RPAP3: variants seen among roughly 807,000 people sequenced by gnomAD.
RPAP3 encodes RNA polymerase II-associated protein 3.
In RPAP3, 58 loss-of-function variants were observed where a neutral mutation model predicts 88.8. The observed-to-expected ratio is 0.65, with a 90% CI of 0.53 to 0.81. The LOEUF (loss-of-function observed/expected upper bound fraction) is 0.81. Among genes scored for constraint, RPAP3 ranks in the 40% least tolerant of loss-of-function variants. RPAP3 has a pLI of 0.00. For synonymous variants in RPAP3, 255 were observed against 259.9 expected, an observed-to-expected ratio of 0.98 and a Z score of 0.18; for missense variants, 751 against 764.3, an observed-to-expected ratio of 0.98 and a Z score of 0.20.
chr12:47,686,543 CAT>C (rs1200693425), intron 9 of RPAP3, among the ~76,000 whole-genome samples: 89 of 100,586 alleles, frequency 8.8e-4, no homozygotes, highest in African/African-American at 3.2e-3. Flanking sequence ...CACACATACA[CAT>C]ACACACACAC....
chr12:47,704,308 T>C (rs1423458239), intron 1 of RPAP3, among the ~76,000 whole-genome samples: 1 of 152,162 alleles, frequency 6.6e-6, no homozygotes, highest in African/African-American at 2.4e-5. Flanking sequence ...AGGTTAGCAG[T>C]GCCAAATGCC....
rs550630495 is a variant in RPAP3 at position 47,677,150 on chromosome 12, T to C, written c.1287+2343A>G. Among the ~76,000 whole-genome samples the C allele has an allele frequency of 2.3e-4, 35 of 152,332 alleles. No individual in the cohort carries two copies. The South Asian group carries it at 7.0e-3, about 31-fold the overall frequency. On this transcript the variant is annotated intron_variant, in intron 12 of 16. Transcript: ENST00000005386. ...GAACCAACGACAAAAACCACATGGT[T>C]ATCCCAATAGATGCAGAAAAGGCCT...
rs148972074 is a variant in RPAP3, at chr12:47,674,559, T to C, written c.1288-4214A>G. Reference sequence around the variant, plus strand: ...CAGTGCAGAGAAGACCTTAAATGACTGATGGAACTGAAAACCATGGCATGA... The same window carrying C: ...CAGTGCAGAGAAGACCTTAAATGACCGATGGAACTGAAAACCATGGCATGA... On this transcript the variant is annotated intron_variant, in intron 12 of 16. Transcript: ENST00000005386. Among the ~76,000 whole-genome samples the C allele has an allele frequency of 3.1e-4, 47 of 152,304 alleles. 1 individual carries two copies. Among genetic ancestry groups the C allele is most frequent in the African/African-American group, 1.1e-3 (46 of 41,570 alleles).
chr12:47,688,103 C>A, intron 7 of RPAP3, 102 bp from the exon 8 acceptor site: 1 of 1,022,660 alleles, frequency 9.8e-7, no homozygotes, highest in South Asian at 2.8e-5. Context: ...GAATTTCTGC[C>A]ACATTTTAAA....
chr12:47,696,775 G>A (rs1343126698), intron 4 of RPAP3, among the ~76,000 whole-genome samples: 1 of 152,086 alleles, frequency 6.6e-6, no homozygotes, highest in Non-Finnish European at 1.5e-5. Context: ...TAAGAATACA[G>A]TATATAATAC....
At chr12:47,673,428 G>C (rs1476072439) in intron 12 of RPAP3, among the ~76,000 whole-genome samples, 1 of 100,888 alleles carries the variant, frequency 9.9e-6, no homozygotes. Flanking sequence ...GGGGGACAAA[G>C]AGTGAAACTC....
chr12:47,692,099 T>G (rs181381166), intron 5 of RPAP3, among the ~76,000 whole-genome samples: 29 of 152,342 alleles, frequency 1.9e-4, no homozygotes, highest in Admixed American at 1.6e-3. Context: ...CTTTGTTGTT[T>G]TACTTATAGA....
chr12:47,680,196 G>A (rs1216936128), intron 10 of RPAP3, among the ~76,000 whole-genome samples: 1 of 152,162 alleles, frequency 6.6e-6, no homozygotes, highest in South Asian at 2.1e-4. Flanking sequence ...TAAATAAGCA[G>A]AGGCAAAAGG....
intron 16 of RPAP3, among the ~76,000 whole-genome samples, chr12:47,666,093 T>C (rs1373868790): frequency 6.6e-6 from 1 of 152,180 alleles, no homozygotes; most frequent in Non-Finnish European, 1.5e-5. Flanking sequence ...AATGGTACAC[T>C]GAGTTTTGCT....
chr12:47,686,051 T>C (rs1474281631), intron 9 of RPAP3, among the ~76,000 whole-genome samples: 1 of 152,234 alleles, frequency 6.6e-6, no homozygotes, highest in East Asian at 1.9e-4. Context: ...GCGTTCAACA[T>C]ACAGCTAAAG....
At chr12:47,696,867 A>C (rs1378859962) in intron 4 of RPAP3, among the ~76,000 whole-genome samples, 3 of 152,232 alleles carry the variant, frequency 2.0e-5, no homozygotes, top group African/African-American at 2.4e-5. Flanking sequence ...TTAGTAGTTA[A>C]GTTTTTGGGG....
Position 47,662,398 on chromosome 12 carries a change from T to G in RPAP3, c.*1107A>C, listed in dbSNP as rs1565710621. On this transcript the variant is annotated 3_prime_UTR_variant, in exon 17 of 17. Coordinates refer to ENST00000005386, the MANE Select transcript of RPAP3 (RefSeq NM_024604.3). ...ATACCACAATCTGAAGAAATTATCT[T>G]TGTAAATAAATTATGATTACTTCTC... is the stretch of plus-strand genomic sequence containing the variant. 6.6e-6 allele frequency: 1 copy of G among 152,216 alleles called. No homozygotes were observed. Among genetic ancestry groups the G allele is most frequent in the Non-Finnish European group, 1.5e-5 (1 of 68,036 alleles). 9.4% of individuals were successfully genotyped at this position (152,216 alleles called of 1,614,324 possible).
chr12:47,694,378 T>A (rs1939483120), intron 5 of RPAP3, among the ~76,000 whole-genome samples: 1 of 152,124 alleles, frequency 6.6e-6, no homozygotes. Flanking sequence ...TGAAAACACC[T>A]AAATGTGAAA....
At chr12:47,697,297 T>C (rs11168199) in intron 4 of RPAP3, among the ~76,000 whole-genome samples, 41,301 of 152,128 alleles carry the variant, frequency 0.27, 6,853 homozygotes, top group Non-Finnish European at 0.38. Flanking sequence ...GCATTTTACA[T>C]AGAATAGTTC....
intron 9 of RPAP3, among the ~76,000 whole-genome samples, chr12:47,685,182 C>T (rs896500932): frequency 3.3e-5 from 5 of 152,090 alleles, no homozygotes; most frequent in Non-Finnish European, 7.4e-5. Flanking sequence ...AGTTTGAGAC[C>T]AGCCTGGCCA....
chr12:47,680,169 T>C (rs1297262277), intron 10 of RPAP3, among the ~76,000 whole-genome samples: 1 of 152,190 alleles, frequency 6.6e-6, no homozygotes, highest in Admixed American at 6.6e-5. Context: ...TGCTCCAACA[T>C]GGACATTATG....
intron 3 of RPAP3, chr12:47,699,540 C>T (rs1939612791): frequency 6.6e-6 from 1 of 152,154 alleles, no homozygotes; most frequent in African/African-American, 2.4e-5. Context: ...TTTAATTAGC[C>T]TTAGTTTTAT....
At chr12:47,664,947 G>A (rs1035825002) in intron 16 of RPAP3, 1 of 152,146 alleles carries the variant, frequency 6.6e-6, no homozygotes, top group African/African-American at 2.4e-5. Context: ...GGTTCATGGG[G>A]GGTCAGTGAA....
chr12:47,671,587 A>G lies in RPAP3; in HGVS notation c.1288-1242T>C, dbSNP rs111513871. ...AAGCTGTAAGAAAATTTATAACAGA[A>G]TTCTTCAAGCAGTTCTATTTTAAAG... On this transcript the variant is annotated intron_variant, in intron 12 of 16. Transcript: ENST00000005386. Among the ~76,000 whole-genome samples the G allele has an allele frequency of 3.1e-3, 473 of 152,354 alleles. 3 individuals are homozygous for G. The highest frequency in any genetic ancestry group is 0.011 in the African/African-American group (446 of 41,576).
Sources: allele counts gnomAD v4.1 joint callset (sites outside exome capture counted in the v4.1 genomes callset), GRCh38; gene constraint gnomAD v4.1.1; transcripts MANE v1.5; gene names NCBI Gene and HGNC (gene_info 2026-07-23, HGNC 2026-07-21).